The following THBS1 variants were observed in gnomAD, a reference collection of about 807,000 sequenced individuals.
THBS1 encodes the protein thrombospondin-1.
THBS1 carries 29 observed loss-of-function variants against 126.1 expected under a neutral mutation model. That is an observed-to-expected ratio of 0.23 (90% CI 0.17 to 0.31). THBS1 has a LOEUF of 0.31. Among genes scored for constraint, THBS1 ranks in the 10% least tolerant of loss-of-function variants. The pLI, the probability that THBS1 is intolerant of heterozygous loss-of-function variation, is 1.00. For synonymous variants in THBS1, 496 were observed against 577.8 expected, an observed-to-expected ratio of 0.86 and a Z score of 2.03; for missense variants, 1,198 against 1,545.2, an observed-to-expected ratio of 0.78 and a Z score of 3.77.
Position 39,589,981 on chromosome 15 carries a change from G to C in THBS1, c.2103G>C (p.Glu701Asp), listed in dbSNP as rs766630516. The C allele has an allele frequency of 6.2e-7, 1 of 1,613,272 alleles. No homozygotes were observed. Among genetic ancestry groups the C allele is most frequent in the Non-Finnish European group, 8.5e-7 (1 of 1,179,598 alleles). ...EDTDLDGWPNENLVCVANATY... is the reference protein window; with the variant it reads ...EDTDLDGWPNDNLVCVANATY... ...CAGACCTGGATGGCTGGCCCAATGA[G>C]AACCTGGTGTGCGTGGCCAATGCGA... The change falls in exon 13 of 22, where the codon GAG (glutamate) becomes GAC (aspartate). Residue 701 changes from glutamate to aspartate, a missense_variant. Transcript: ENST00000260356. This position sits in a 1 kb window ranked among gnomAD's most constrained non-coding sequence, Gnocchi z 4.7.
intron 16 of THBS1, 49 bp downstream of exon 16, chr15:39,591,672 T>C (rs1404729126): frequency 6.6e-7 from 1 of 1,514,486 alleles, no homozygotes; most frequent in Admixed American, 1.7e-5. Flanking sequence ...TGTTGGAATA[T>C]CCCTTTCATG....
At position 39,584,020 on chromosome 15, in the gene THBS1, G is replaced by A. The variant is rs758948314; in HGVS notation, c.736G>A (p.Val246Met). Reference protein sequence around the residue: ...TSVLLTLDNNVVNGSSPAIRT... With the variant: ...TSVLLTLDNNMVNGSSPAIRT... ...TGTCCTCCTCACCCTTGACAACAACGTGGTGAATGGTTCCAGCCCTGCCAT... is the reference window on the plus strand; with the variant it reads ...TGTCCTCCTCACCCTTGACAACAACATGGTGAATGGTTCCAGCCCTGCCAT... Residue 246 changes from valine to methionine, a missense_variant, in exon 5 of 22, where the codon GTG (valine) becomes ATG (methionine). This residue lies in a region of THBS1 where 663 missense variants were observed against 860.1 expected (regional missense o/e 0.77). Transcript: ENST00000260356. 8 of 1,614,166 alleles carry A rather than the reference G, an allele frequency of 5.0e-6. No individual in the cohort carries two copies. Among genetic ancestry groups the A allele is most frequent in the East Asian group, 2.2e-5 (1 of 44,878 alleles).
rs1015286448 is a variant in THBS1 at position 39,594,344 on chromosome 15, C to T, written c.3409C>T (p.Pro1137Ser). Residue 1137 changes from proline (P) to serine (S), a missense_variant, in exon 21 of 22, where the codon CCC (proline) becomes TCC (serine). By Grantham distance (74) the Pro-to-Ser change is moderately conservative. Around this residue, in one of 4 missense-constraint regions of THBS1, gnomAD observed 255 missense variants for 373.9 expected, o/e 0.68. Transcript: ENST00000260356. The surrounding 1 kb of genome is among the most constrained non-coding windows in gnomAD (Gnocchi z 4.4). Reference sequence around the variant, plus strand: ...GAAGAAAATCATGGCTGACTCAGGACCCATCTATGATAAAACCTATGCTGG... The same window carrying T: ...GAAGAAAATCATGGCTGACTCAGGATCCATCTATGATAAAACCTATGCTGG... ...EGKKIMADSG[P>S]IYDKTYAGGR... 3 of 1,614,042 alleles carry T rather than the reference C, an allele frequency of 1.9e-6. No individual in the cohort carries two copies. In the African/African-American group the frequency reaches 4.0e-5, roughly 22 times the overall value.
rs192823024 is a variant in THBS1, at chr15:39,592,368, C to A, written c.2533-200C>A. Among the ~76,000 whole-genome samples the A allele has an allele frequency of 2.0e-5, 3 of 151,970 alleles. No homozygotes were observed. The highest frequency in any genetic ancestry group is 2.9e-5 in the Non-Finnish European group (2 of 67,984). On this transcript the variant is annotated intron_variant, in intron 16 of 21. Transcript: ENST00000260356. This position sits in a 1 kb window ranked among gnomAD's most constrained non-coding sequence, Gnocchi z 4.3. ...AATTATCCCTTCTCAGATTTTTATACGAAAACAAAGATAAAGGAAAAAAAC... is the reference window on the plus strand; with the variant it reads ...AATTATCCCTTCTCAGATTTTTATAAGAAAACAAAGATAAAGGAAAAAAAC...
chr15:39,589,724 G>T lies in THBS1; in HGVS notation c.1927-81G>T. ...ATGGAGCCTCTGTCTACTCAGAGAT[G>T]ACAGGGATCTGGATTCTTGTTTCCA... is the stretch of plus-strand genomic sequence containing the variant. On this transcript the variant is annotated intron_variant, in intron 12 of 21. Transcript: ENST00000260356. This position sits in a 1 kb window ranked among gnomAD's most constrained non-coding sequence, Gnocchi z 4.7. 1 of 1,406,556 alleles carries T rather than the reference G, an allele frequency of 7.1e-7. No individual in the cohort carries two copies. The allele number at this position is 1,406,556 out of a possible 1,614,324, so 87.1% of individuals were successfully genotyped here. A position where few individuals can be genotyped will look rare whatever the true frequency, so the allele number is the denominator to read the frequency against.
rs201148067 is a variant in THBS1 at position 39,587,541 on chromosome 15, G to C, written c.1294+21G>C. 5.6e-5 allele frequency: 90 copies of C among 1,598,210 alleles called. No homozygotes were observed. The Admixed American group carries it at 1.0e-3, about 18-fold the overall frequency. On this transcript the variant is annotated intron_variant, in intron 8 of 21. Transcript: ENST00000260356. Reference sequence around the variant, plus strand: ...GAGATGTAAGCATCTTAGCCTCTCAGGGACGTGGAGAACTGACCTGTCCTT... The same window carrying C: ...GAGATGTAAGCATCTTAGCCTCTCACGGACGTGGAGAACTGACCTGTCCTT...
intron 9 of THBS1, 58 bp downstream of exon 9, chr15:39,588,276 G>A (rs1890249399): frequency 1.3e-6 from 2 of 1,570,328 alleles, no homozygotes; most frequent in East Asian, 2.3e-5. Flanking sequence ...CCAGCTGGTT[G>A]CCTGGCATCT....
At position 39,594,236 on chromosome 15, in the gene THBS1, G is replaced by T. The variant is rs753114321; in HGVS notation, c.3365+40G>T. On this transcript the variant is annotated intron_variant, in intron 20 of 21. Transcript: ENST00000260356. This position sits in a 1 kb window ranked among gnomAD's most constrained non-coding sequence, Gnocchi z 4.4. ...ATTCACTTTCACTTACAGTCACACTGAGGGACAAAAAGACAAAAAGTATTA... is the reference window on the plus strand; with the variant it reads ...ATTCACTTTCACTTACAGTCACACTTAGGGACAAAAAGACAAAAAGTATTA... 24 of 1,613,592 alleles carry T rather than the reference G, an allele frequency of 1.5e-5. No individual in the cohort carries two copies. The highest frequency in any genetic ancestry group is 2.7e-5 in the African/African-American group (2 of 74,918).
In THBS1 at chr15:39,595,916, T is replaced by C. The variant is rs1449241433; in HGVS notation, c.*547T>C. 1 of 452,310 alleles carries C rather than the reference T, an allele frequency of 2.2e-6. No homozygotes were observed. The highest frequency in any genetic ancestry group is 2.4e-5 in the Admixed American group (1 of 42,462). 28.0% of individuals were successfully genotyped at this position (452,310 alleles called of 1,614,324 possible). The stretch of plus-strand genomic sequence containing the variant: ...TCGGTACTAAGTCATTTTCAGGGGA[T>C]TGAAAGACTATTGCTGGATTTCATG... On this transcript the variant is annotated 3_prime_UTR_variant, in exon 22 of 22. Coordinates refer to ENST00000260356, the MANE Select transcript of THBS1 (RefSeq NM_003246.4).
Position 39,593,930 on chromosome 15 carries a change from T to C in THBS1, c.3268-169T>C. 1.1e-6 allele frequency: 1 copy of C among 873,866 alleles called. No individual in the cohort carries two copies. The highest frequency in any genetic ancestry group is 3.3e-4 in the Middle Eastern group (1 of 3,062). The allele number at this position is 873,866 out of a possible 1,614,324, so 54.1% of individuals were successfully genotyped here. A position where few individuals can be genotyped will look rare whatever the true frequency, so the allele number is the denominator to read the frequency against. ...CCCTCCTCTCTGTCTGCTTTATATG[T>C]GTGCTCAGTGGCACACAACAAATAT... On this transcript the variant is annotated intron_variant, in intron 19 of 21. Coordinates refer to ENST00000260356, the MANE Select transcript of THBS1 (RefSeq NM_003246.4). The surrounding 1 kb of genome is among the most constrained non-coding windows in gnomAD (Gnocchi z 5.9).
At chr15:39,582,958 A>G (rs1317547843) in intron 3 of THBS1, among the ~76,000 whole-genome samples, 1 of 152,228 alleles carries the variant, frequency 6.6e-6, no homozygotes, top group East Asian at 1.9e-4. Context: ...TGCAACTCTA[A>G]CAAGTACCAG....
rs1798908114 is a variant in THBS1 at position 39,587,471 on chromosome 15, C to A, written c.1245C>A (p.Gly415=). The A allele has an allele frequency of 6.2e-7, 1 of 1,613,536 alleles. No individual in the cohort carries two copies. Among genetic ancestry groups the A allele is most frequent in the African/African-American group, 1.3e-5 (1 of 74,944 alleles). ...ATAGCCTCAACAACCGATGTGAGGG[C>A]TCCTCGGTCCAGACACGGACCTGCC... ...SCDSLNNRCE[G]SSVQTRTCHI... The change falls in exon 8 of 22, where the codon GGC becomes GGA. Residue 415 remains glycine, a synonymous_variant. Coordinates refer to ENST00000260356, the MANE Select transcript of THBS1 (RefSeq NM_003246.4).
In THBS1 at chr15:39,582,614, C is replaced by T. The variant is rs142171763; in HGVS notation, c.489C>T (p.Asp163=). Residue 163 remains aspartate (D), a synonymous_variant, in exon 3 of 22, where the codon GAC becomes GAT. Coordinates refer to ENST00000260356, the MANE Select transcript of THBS1 (RefSeq NM_003246.4). The part of the protein sequence containing the change: ...WKSITLFVQE[D]RAQLYIDCEK... ...GCATCACCCTGTTTGTGCAGGAAGA[C>T]AGGGCCCAGCTGTACATCGACTGTG... 159 of 1,614,122 alleles carry T rather than the reference C, an allele frequency of 9.9e-5. No individual in the cohort carries two copies. The highest frequency in any genetic ancestry group is 1.2e-4 in the Non-Finnish European group (143 of 1,180,042).
chr15:39,588,863 C>A, intron 10 of THBS1, 96 bp from the exon 11 acceptor site: 1 of 1,606,020 alleles, frequency 6.2e-7, no homozygotes, highest in Non-Finnish European at 8.5e-7. Context: ...GTTCCCTATA[C>A]CCTATAATAT....
Position 39,596,568 on chromosome 15 carries a change from G to C in THBS1, c.*1199G>C, listed in dbSNP as rs1890450415. The C allele has an allele frequency of 6.6e-6, 1 of 152,210 alleles. No homozygotes were observed. Among genetic ancestry groups the C allele is most frequent in the Admixed American group, 6.5e-5 (1 of 15,282 alleles). 9.4% of individuals were successfully genotyped at this position (152,210 alleles called of 1,614,324 possible). ...TAGGCTTCATACGGAAAGTGTTTGA[G>C]AGCAAGTAGTTGACATTTATCAGCA... On this transcript the variant is annotated 3_prime_UTR_variant, in exon 22 of 22. Coordinates refer to ENST00000260356, the MANE Select transcript of THBS1 (RefSeq NM_003246.4).
rs749387284 is a variant in THBS1, at chr15:39,591,309, A to G, written c.2372A>G (p.Asn791Ser). The G allele has an allele frequency of 1.3e-5, 21 of 1,614,188 alleles. No individual in the cohort carries two copies. The highest frequency in any genetic ancestry group is 1.7e-5 in the Non-Finnish European group (20 of 1,180,020). ...CCAGATCAGGCAGACACAGACAACA[A>G]TGGGGAAGGAGACGCCTGTGCTGCA... ...HNPDQADTDN[N>S]GEGDACAADI... The change falls in exon 15 of 22, where the codon AAT becomes AGT. Residue 791 changes from asparagine to serine, a missense_variant. Asn to Ser is a conservative substitution (Grantham distance 46). Transcript: ENST00000260356.
At position 39,589,764 on chromosome 15, in the gene THBS1, T is replaced by A. The variant is rs1477420991; in HGVS notation, c.1927-41T>A. The A allele has an allele frequency of 6.5e-7, 1 of 1,530,262 alleles. No homozygotes were observed. The allele number at this position is 1,530,262 out of a possible 1,614,324, so 94.8% of individuals were successfully genotyped here. A position where few individuals can be genotyped will look rare whatever the true frequency, so the allele number is the denominator to read the frequency against. ...TCTTGTTTCCATGATATCTGAGGAT[T>A]CTCAAAAGCTCTGTGTAACAGCAGC... On this transcript the variant is annotated intron_variant, in intron 12 of 21. Transcript: ENST00000260356. This position sits in a 1 kb window ranked among gnomAD's most constrained non-coding sequence, Gnocchi z 4.7.
intron 1 of THBS1, 69 bp from the exon 2 acceptor site, chr15:39,581,760 C>T: frequency 4.0e-6 from 4 of 997,716 alleles, no homozygotes; most frequent in East Asian, 2.5e-5. Flanking sequence ...TGCCCAGCCC[C>T]GTTTCTGCGC....
In THBS1 at chr15:39,593,363, C is replaced by A. The variant is rs569809875; in HGVS notation, c.2996-34C>A. On this transcript the variant is annotated intron_variant, in intron 18 of 21. Coordinates refer to ENST00000260356, the MANE Select transcript of THBS1 (RefSeq NM_003246.4). This position sits in a 1 kb window ranked among gnomAD's most constrained non-coding sequence, Gnocchi z 5.9. The stretch of plus-strand genomic sequence containing the variant: ...ATGATGGAGAACCTTCTGAAGGCTG[C>A]AGGTTTTAACCTGGCTCTGGGCTCT... The A allele has an allele frequency of 6.2e-7, 1 of 1,612,998 alleles. No individual in the cohort carries two copies.
Sources: allele counts gnomAD v4.1 joint callset (sites outside exome capture counted in the v4.1 genomes callset), GRCh38; gene constraint gnomAD v4.1.1; regional missense constraint gnomAD v4.1.1; non-coding constraint Gnocchi (gnomAD v3.1); transcripts MANE v1.5; gene names NCBI Gene and HGNC (gene_info 2026-07-23, HGNC 2026-07-21).